PPP4R3B: variants seen among roughly 807,000 people sequenced by gnomAD.
The protein encoded by PPP4R3B is protein phosphatase 4 regulatory subunit 3B, also known as serine/threonine-protein phosphatase 4 regulatory subunit 3B.
In PPP4R3B, 52 loss-of-function variants were observed where a neutral mutation model predicts 95.4. The observed-to-expected ratio is 0.54, with a 90% CI of 0.44 to 0.69. The LOEUF is 0.69. Ranked by LOEUF, PPP4R3B falls within the 30% of genes least tolerant of loss-of-function variation. The pLI, the probability that PPP4R3B is intolerant of heterozygous loss-of-function variation, is 0.00. For synonymous variants in PPP4R3B, 407 were observed against 343.9 expected, an observed-to-expected ratio of 1.18 and a Z score of -2.03; for missense variants, 1,003 against 1,005.9, an observed-to-expected ratio of 1.00 and a Z score of 0.04.
At chr2:55,604,594 T>C (rs1259824394) in intron 2 of PPP4R3B, among the ~76,000 whole-genome samples, 2 of 152,090 alleles carry the variant, frequency 1.3e-5, no homozygotes, top group Admixed American at 1.3e-4. Context: ...ACAAAGCTAT[T>C]TGCTCTTATT....
intron 15 of PPP4R3B, 112 bp from the exon 16 acceptor site, chr2:55,559,080 G>T: frequency 1.2e-6 from 1 of 816,516 alleles, no homozygotes; most frequent in Non-Finnish European, 1.9e-6. Context: ...GGGCATGGTG[G>T]CTCACGCCTG....
At chr2:55,585,995 C>T (rs1009901877) in intron 6 of PPP4R3B, among the ~76,000 whole-genome samples, 1 of 151,896 alleles carries the variant, frequency 6.6e-6, no homozygotes, top group African/African-American at 2.4e-5. Flanking sequence ...TGAATCTAAA[C>T]ACCTTCTATA....
At chr2:55,588,014 A>G (rs1366689825) in intron 5 of PPP4R3B, among the ~76,000 whole-genome samples, 1 of 152,216 alleles carries the variant, frequency 6.6e-6, no homozygotes, top group African/African-American at 2.4e-5. Flanking sequence ...ATGCATTACT[A>G]TAACATATAC....
chr2:55,614,507 C>T (rs1162089285), intron 2 of PPP4R3B: 1 of 152,100 alleles, frequency 6.6e-6, no homozygotes, highest in African/African-American at 2.4e-5. Flanking sequence ...AAGAGTATGA[C>T]ATCCACTGTG....
At chr2:55,587,314 T>A (rs1389541995) in intron 5 of PPP4R3B, among the ~76,000 whole-genome samples, 1 of 152,268 alleles carries the variant, frequency 6.6e-6, no homozygotes, top group Non-Finnish European at 1.5e-5. Context: ...CGGGGCACAG[T>A]GGCTCACGCC....
intron 4 of PPP4R3B, among the ~76,000 whole-genome samples, chr2:55,589,625 T>C (rs961512287): frequency 1.3e-5 from 2 of 152,038 alleles, no homozygotes; most frequent in Non-Finnish European, 2.9e-5. Flanking sequence ...CAGAAAAATA[T>C]AGTCAAGTGG....
chr2:55,566,205 T>C (rs1687276561), intron 13 of PPP4R3B, among the ~76,000 whole-genome samples: 1 of 152,158 alleles, frequency 6.6e-6, no homozygotes, highest in Admixed American at 6.5e-5. Flanking sequence ...GTCTTAAAAC[T>C]AGTTCTCCTG....
At chr2:55,550,383 G>A (rs1442183932) in intron 16 of PPP4R3B, among the ~76,000 whole-genome samples, 1 of 152,154 alleles carries the variant, frequency 6.6e-6, no homozygotes, top group African/African-American at 2.4e-5. Context: ...CCACAAGAAA[G>A]CCCCTTGTAG....
At position 55,603,254 on chromosome 2, in the gene PPP4R3B, G is replaced by C. The variant is rs545411658; in HGVS notation, c.297+724C>G. ...AGGCGTGAGTAACCGCGTCCGGATG[G>C]ACAAATACACTTATATCCAAGAACA... On this transcript the variant is annotated intron_variant, in intron 3 of 16. Coordinates refer to ENST00000616407, the MANE Select transcript of PPP4R3B (RefSeq NM_001122964.3). Among the ~76,000 whole-genome samples the C allele has an allele frequency of 4.9e-4, 75 of 152,258 alleles. No individual in the cohort carries two copies. In the South Asian group the frequency reaches 0.014, roughly 28 times the overall value.
intron 4 of PPP4R3B, among the ~76,000 whole-genome samples, chr2:55,597,856 T>C (rs1044092999): frequency 2.0e-5 from 3 of 152,180 alleles, no homozygotes; most frequent in Non-Finnish European, 2.9e-5. Flanking sequence ...GTTATGTATA[T>C]TCTACCTCAA....
intron 12 of PPP4R3B, among the ~76,000 whole-genome samples, chr2:55,571,429 A>T (rs954497142): frequency 2.0e-5 from 3 of 152,194 alleles, no homozygotes; most frequent in Non-Finnish European, 4.4e-5. Context: ...AACATCAAAC[A>T]TTCCAAAATT....
In PPP4R3B at chr2:55,566,078, T is replaced by TA. The variant is rs930511719; in HGVS notation, c.1936-1038dup. On this transcript the variant is annotated intron_variant, in intron 13 of 16. Coordinates refer to ENST00000616407, the MANE Select transcript of PPP4R3B (RefSeq NM_001122964.3). ...GCATGCATGCCCAGTAGGCTTATTT[T>TA]AAAAAAAAAAATTAAAGTTGTGATT... is the stretch of plus-strand genomic sequence containing the variant. Among the ~76,000 whole-genome samples, 44 of 148,762 alleles carry TA rather than the reference T, an allele frequency of 3.0e-4. No homozygotes were observed. The East Asian group carries it at 4.7e-3, about 16-fold the overall frequency.
chr2:55,589,776 CATG>C (rs1478353904), intron 4 of PPP4R3B, among the ~76,000 whole-genome samples: 2 of 151,070 alleles, frequency 1.3e-5, no homozygotes, highest in Non-Finnish European at 3.0e-5. Flanking sequence ...ATTAGCCAGG[CATG>C]GTGGTGGGCG....
chr2:55,560,601 A>T (rs1166177046), intron 15 of PPP4R3B, among the ~76,000 whole-genome samples: 1 of 151,926 alleles, frequency 6.6e-6, no homozygotes, highest in African/African-American at 2.4e-5. Flanking sequence ...ACAGGGTGAA[A>T]CCCTGTCTCT....
intron 2 of PPP4R3B, among the ~76,000 whole-genome samples, chr2:55,611,040 T>C (rs115932042): frequency 1.6e-3 from 238 of 152,242 alleles, no homozygotes; most frequent in African/African-American, 5.5e-3. Context: ...TAATTTATAT[T>C]TTTTGCAGTG....
intron 16 of PPP4R3B, among the ~76,000 whole-genome samples, chr2:55,555,762 T>C (rs1166867042): frequency 6.6e-6 from 1 of 152,220 alleles, no homozygotes; most frequent in Non-Finnish European, 1.5e-5. Flanking sequence ...GTTATATCCA[T>C]ACTTTTAAGT....
At chr2:55,568,602 T>C (rs1558965356) in intron 12 of PPP4R3B, among the ~76,000 whole-genome samples, 1 of 152,116 alleles carries the variant, frequency 6.6e-6, no homozygotes, top group Admixed American at 6.6e-5. Flanking sequence ...TAGCCAGAAC[T>C]AACAACAACA....
At chr2:55,609,610 G>A (rs1019008170) in intron 2 of PPP4R3B, among the ~76,000 whole-genome samples, 2 of 150,262 alleles carry the variant, frequency 1.3e-5, no homozygotes, top group Non-Finnish European at 3.0e-5. Context: ...TAAAGCTGCA[G>A]TAAGCCATGA....
At chr2:55,567,736 T>C (rs983783528) in intron 13 of PPP4R3B, among the ~76,000 whole-genome samples, 2 of 152,166 alleles carry the variant, frequency 1.3e-5, no homozygotes, top group African/African-American at 2.4e-5. Context: ...TATTTTTCCA[T>C]CTTTCTATTC....
Sources: gnomAD v4.1 joint callset for allele counts (sites outside exome capture counted in the v4.1 genomes callset) on GRCh38, gnomAD v4.1.1 for gene constraint, MANE v1.5 for transcripts, NCBI Gene and HGNC (gene_info 2026-07-23, HGNC 2026-07-21) for gene names.